EFR3B: variants seen among roughly 807,000 people sequenced by gnomAD.
EFR3B encodes the protein EFR3 homolog B, also known as protein EFR3 homolog B.
EFR3B carries 64 observed loss-of-function variants against 104.7 expected under a neutral mutation model. That is an observed-to-expected ratio of 0.61 (90% confidence interval 0.50 to 0.75). The LOEUF (loss-of-function observed/expected upper bound fraction) is 0.75. Ranked by LOEUF, EFR3B falls within the 30% of genes least tolerant of loss-of-function variation. The pLI, the probability that EFR3B is intolerant of heterozygous loss-of-function variation, is 0.00. For missense variants in EFR3B, 750 were observed against 1,078.5 expected (o/e 0.70, Z 4.27); for synonymous variants, 385 against 417.9 (o/e 0.92, Z 0.96).
chr2:25,064,864 A>G (rs1400483121), intron 1 of EFR3B, among the ~76,000 whole-genome samples: 1 of 152,252 alleles, frequency 6.6e-6, no homozygotes, highest in Admixed American at 6.5e-5. Context: ...AACATTTTTA[A>G]AGTGAATACC....
At chr2:25,135,387 C>T (rs1558616473) in intron 12 of EFR3B, 80 bp from the exon 13 acceptor site, 3 of 1,501,746 alleles carry the variant, frequency 2.0e-6, no homozygotes, top group Admixed American at 4.0e-5. Flanking sequence ...GACCTGACTT[C>T]CTCTGGCTGC....
chr2:25,074,999 T>C (rs959034118), intron 1 of EFR3B, among the ~76,000 whole-genome samples: 2 of 152,330 alleles, frequency 1.3e-5, no homozygotes, highest in Non-Finnish European at 2.9e-5. Flanking sequence ...AGAGGTCCTT[T>C]GTACCCTTCA....
chr2:25,103,490 G>A, intron 3 of EFR3B, 147 bp from the exon 4 acceptor site: 1 of 1,133,334 alleles, frequency 8.8e-7, no homozygotes, highest in Non-Finnish European at 1.2e-6. Context: ...TTGTTGGAAA[G>A]GCTATCCAGA....
chr2:25,049,710 C>T (rs1667813271), intron 1 of EFR3B, among the ~76,000 whole-genome samples: 1 of 152,002 alleles, frequency 6.6e-6, no homozygotes, highest in Non-Finnish European at 1.5e-5. Flanking sequence ...CTGGTGGAGG[C>T]ACCAATGTGA....
rs1205283483 is a variant in EFR3B, at chr2:25,157,207, ATT to A, written c.*2874_*2875del. On this transcript the variant is annotated 3_prime_UTR_variant, in exon 23 of 23. Coordinates refer to ENST00000403714, the MANE Select transcript of EFR3B (RefSeq NM_014971.2). The stretch of plus-strand genomic sequence containing the variant: ...ATGTGCTTCTTTTGAAGAACTGGTC[ATT>A]TTTTTTGAGTGCCCTCTTCTCAGTT... The A allele has an allele frequency of 6.6e-6, 1 of 151,886 alleles. No individual in the cohort carries two copies. The highest frequency in any genetic ancestry group is 1.5e-5 in the Non-Finnish European group (1 of 67,962). 9.4% of individuals were successfully genotyped at this position (151,886 alleles called of 1,614,324 possible).
rs2149204927 is a variant in EFR3B, at chr2:25,130,107, C to T, written c.768C>T (p.Leu256=). The change falls in exon 7 of 23, where the codon CTC becomes CTT. Residue 256 remains leucine (L), a splice_region_variant and synonymous_variant. Coordinates refer to ENST00000403714, the MANE Select transcript of EFR3B (RefSeq NM_014971.2). The surrounding 1 kb of genome is among the most constrained non-coding windows in gnomAD (Gnocchi z 4.6). The part of the protein sequence containing the change: ...GNIKNAIKPV[L]IHLDNHSLWE... ...TCAAAAACGCCATCAAGCCTGTTCT[C>T]ATGTGAGTGCCCCCACCCACTGCCT... The T allele has an allele frequency of 1.9e-6, 3 of 1,551,892 alleles. No homozygotes were observed. The highest frequency in any genetic ancestry group is 1.4e-5 in the African/African-American group (1 of 73,192).
chr2:25,124,929 A>G (rs1012838639), intron 5 of EFR3B, among the ~76,000 whole-genome samples: 1 of 151,870 alleles, frequency 6.6e-6, no homozygotes, highest in African/African-American at 2.4e-5. Context: ...ATGGTAGCGC[A>G]CAACTGTAGT....
chr2:25,153,496 C>A (rs1671071355), intron 21 of EFR3B, among the ~76,000 whole-genome samples: 2 of 152,188 alleles, frequency 1.3e-5, no homozygotes, highest in African/African-American at 4.8e-5. Context: ...GAGCCTCTGT[C>A]CTGTCCCCAG....
intron 20 of EFR3B, 85 bp downstream of exon 20, chr2:25,149,827 C>A: frequency 8.1e-7 from 1 of 1,241,814 alleles, no homozygotes; most frequent in Non-Finnish European, 1.2e-6. Flanking sequence ...GCAGGACACA[C>A]CACCCTCCGC....
Position 25,046,594 on chromosome 2 carries a change from CTG to C in EFR3B, c.7+4276_7+4277del, listed in dbSNP as rs1491423682. Reference sequence around the variant, plus strand: ...CTCGGCTCACTGCAGGCTCCGCCCCCTGGGGTTCACGCCATTCTCCTGCCTCA... The same window carrying C: ...CTCGGCTCACTGCAGGCTCCGCCCCCGGGTTCACGCCATTCTCCTGCCTCA... On this transcript the variant is annotated intron_variant, in intron 1 of 22. Transcript: ENST00000403714. 1.9e-4 allele frequency among the ~76,000 whole-genome samples: 29 copies of C among 148,828 alleles called. No homozygotes were observed. The East Asian group carries it at 6.0e-3, about 31-fold the overall frequency.
intron 1 of EFR3B, among the ~76,000 whole-genome samples, chr2:25,058,770 C>T (rs753818620): frequency 7.3e-6 from 1 of 137,894 alleles, no homozygotes; most frequent in South Asian, 2.7e-4. Flanking sequence ...CCGCGCCCCC[C>T]CCCCCAAAAA....
At position 25,135,521 on chromosome 2, in the gene EFR3B, C is replaced by T; in HGVS notation, c.1366C>T (p.Leu456=). ...NMMSALPSNF[L]DRLLSTALME... ...GATGTCAGCCCTGCCTAGCAACTTC[C>T]TGGACCGCCTTCTCTCCACCGCCCT... Residue 456 remains leucine (L), a synonymous_variant, in exon 13 of 23, where the codon CTG becomes TTG. Coordinates refer to ENST00000403714, the MANE Select transcript of EFR3B (RefSeq NM_014971.2). The T allele has an allele frequency of 6.4e-7, 1 of 1,551,834 alleles. No individual in the cohort carries two copies. Among genetic ancestry groups the T allele is most frequent in the Non-Finnish European group, 8.7e-7 (1 of 1,147,012 alleles).
At chr2:25,128,792 A>G (rs1670238452) in intron 6 of EFR3B, among the ~76,000 whole-genome samples, 1 of 151,354 alleles carries the variant, frequency 6.6e-6, no homozygotes. Context: ...CCGCGTCTCT[A>G]CTAAAAAAAA....
intron 1 of EFR3B, among the ~76,000 whole-genome samples, chr2:25,045,101 C>T (rs562990409): frequency 1.3e-5 from 2 of 152,330 alleles, no homozygotes; most frequent in South Asian, 2.1e-4. Context: ...AAACTGGTTG[C>T]TCAAGAGCCT....
chr2:25,091,215 T>C, intron 1 of EFR3B, 110 bp from the exon 2 acceptor site: 1 of 1,045,464 alleles, frequency 9.6e-7, no homozygotes, highest in Non-Finnish European at 1.4e-6. Context: ...GTCTGTCTGA[T>C]TCCAGCCTGT....
chr2:25,046,528 G>A (rs1003663106), intron 1 of EFR3B, among the ~76,000 whole-genome samples: 10 of 117,512 alleles, frequency 8.5e-5, no homozygotes, highest in Non-Finnish European at 1.7e-4. Flanking sequence ...TTTTTGAGAC[G>A]GAGTCTCGCT....
At chr2:25,140,936 G>T (rs1366978307) in intron 16 of EFR3B, among the ~76,000 whole-genome samples, 1 of 151,736 alleles carries the variant, frequency 6.6e-6, no homozygotes, top group Non-Finnish European at 1.5e-5. Context: ...AGTTACTCGG[G>T]AGGCTGAGGC....
intron 4 of EFR3B, among the ~76,000 whole-genome samples, chr2:25,110,077 C>G (rs1490594229): frequency 6.6e-6 from 1 of 152,084 alleles, no homozygotes; most frequent in Non-Finnish European, 1.5e-5. Flanking sequence ...GGCTGTGCAG[C>G]ACCCTGTTCC....
At chr2:25,128,919 C>T (rs1033140296) in intron 6 of EFR3B, among the ~76,000 whole-genome samples, 5 of 130,320 alleles carry the variant, frequency 3.8e-5, no homozygotes, top group East Asian at 2.5e-4. Context: ...GAGATCGCGC[C>T]GCTGCACTTA....
Sources: allele counts gnomAD v4.1 joint callset (sites outside exome capture counted in the v4.1 genomes callset), GRCh38; gene constraint gnomAD v4.1.1; non-coding constraint Gnocchi (gnomAD v3.1); transcripts MANE v1.5; gene names NCBI Gene and HGNC (gene_info 2026-07-23, HGNC 2026-07-21).